Variants in PTPRE observed in about 807,000 individuals in gnomAD.
The protein encoded by PTPRE is protein tyrosine phosphatase receptor type E, also known as receptor-type tyrosine-protein phosphatase epsilon.
A neutral mutation model predicts 102.0 loss-of-function variants in PTPRE; 51 were observed. The ratio of observed to expected loss-of-function variants is 0.50; its 90% CI spans 0.40 to 0.63. The LOEUF (loss-of-function observed/expected upper bound fraction) is 0.63, where lower values mean the gene tolerates loss of function less well. Among genes scored for constraint, PTPRE ranks in the 30% least tolerant of loss-of-function variants. The probability of loss-of-function intolerance (pLI) is 0.00; values close to 1 mark genes in which losing one functional copy is unlikely to be tolerated. For synonymous variants in PTPRE, 345 were observed against 348.2 expected (o/e 0.99, Z 0.10); for missense variants, 752 against 915.1 (o/e 0.82, Z 2.30).
chr10:127,999,570 C>T (rs1200263210), intron 2 of PTPRE: 8 of 985,310 alleles, frequency 8.1e-6, no homozygotes, highest in Non-Finnish European at 8.4e-6. Context: ...ACTGCACCAT[C>T]GAGCACGCAG....
intron 2 of PTPRE, among the ~76,000 whole-genome samples, chr10:127,994,466 C>T (rs1853045544): frequency 6.6e-6 from 1 of 152,228 alleles, no homozygotes; most frequent in Non-Finnish European, 1.5e-5. Context: ...ACGCAGGCCC[C>T]ATAGGATAGG....
intron 17 of PTPRE, 65 bp from the exon 18 acceptor site, chr10:128,076,538 A>G: frequency 6.7e-7 from 1 of 1,486,202 alleles, no homozygotes; most frequent in South Asian, 1.3e-5. Flanking sequence ...TCTGTGTTAT[A>G]AACTCAAAAT....
At chr10:127,962,836 C>T (rs889637693) in intron 1 of PTPRE, among the ~76,000 whole-genome samples, 1 of 152,222 alleles carries the variant, frequency 6.6e-6, no homozygotes, top group African/African-American at 2.4e-5. Context: ...GCAATGTCCA[C>T]GGTGCTGAGG....
At chr10:127,986,943 G>C (rs1852139551) in intron 2 of PTPRE, among the ~76,000 whole-genome samples, 1 of 152,152 alleles carries the variant, frequency 6.6e-6, no homozygotes, top group African/African-American at 2.4e-5. Context: ...TTCTTATACT[G>C]GGGTTTTTTA....
intron 2 of PTPRE, among the ~76,000 whole-genome samples, chr10:127,996,119 A>G (rs771817930): frequency 6.6e-6 from 1 of 152,192 alleles, no homozygotes; most frequent in African/African-American, 2.4e-5. Flanking sequence ...TGTTATTCCC[A>G]GTGTGGACGT....
intron 20 of PTPRE, among the ~76,000 whole-genome samples, chr10:128,082,218 T>G (rs1851786162): frequency 7.3e-6 from 1 of 137,630 alleles, no homozygotes; most frequent in Non-Finnish European, 1.6e-5. Flanking sequence ...TTTTTTTTTT[T>G]TTTTTGAGAC....
chr10:127,923,515 C>T (rs1338430681), intron 1 of PTPRE, among the ~76,000 whole-genome samples: 5 of 151,604 alleles, frequency 3.3e-5, no homozygotes, highest in South Asian at 2.1e-4. Flanking sequence ...GTGATTCTCC[C>T]GCCTCAGCCT....
intron 1 of PTPRE, among the ~76,000 whole-genome samples, chr10:127,963,036 A>T (rs1849951025): frequency 6.6e-6 from 1 of 152,148 alleles, no homozygotes; most frequent in African/African-American, 2.4e-5. Context: ...TGGCTGAGAA[A>T]CACTGGCTGA....
At chr10:128,001,155 A>G (rs746818031) in intron 2 of PTPRE, among the ~76,000 whole-genome samples, 1 of 152,168 alleles carries the variant, frequency 6.6e-6, no homozygotes, top group Non-Finnish European at 1.5e-5. Flanking sequence ...CTTCTAATCA[A>G]CTTATGTTCC....
At chr10:127,939,183 G>T (rs1848043907) in intron 1 of PTPRE, among the ~76,000 whole-genome samples, 1 of 152,076 alleles carries the variant, frequency 6.6e-6, no homozygotes, top group South Asian at 2.1e-4. Context: ...AATCATTTGT[G>T]GTTCATGTTA....
At chr10:128,021,366 C>A (rs186925417) in intron 2 of PTPRE, among the ~76,000 whole-genome samples, 1 of 152,196 alleles carries the variant, frequency 6.6e-6, no homozygotes, top group African/African-American at 2.4e-5. Flanking sequence ...CGACCTCCTG[C>A]GAGCCTCCTT....
At chr10:127,928,984 C>T (rs1847225003) in intron 1 of PTPRE, among the ~76,000 whole-genome samples, 2 of 152,176 alleles carry the variant, frequency 1.3e-5, no homozygotes, top group Admixed American at 6.5e-5. Context: ...TTTATGTATT[C>T]AATTTGTTTG....
chr10:127,982,489 CGT>C (rs59170572), intron 2 of PTPRE, among the ~76,000 whole-genome samples, 193 bp downstream of exon 2: 7,718 of 142,456 alleles, frequency 0.054, 336 homozygotes, highest in African/African-American at 0.12. Flanking sequence ...ACATCATTTG[CGT>C]GTGTGTGTGT....
intron 6 of PTPRE, among the ~76,000 whole-genome samples, chr10:128,050,938 T>A (rs1848519600): frequency 6.6e-6 from 1 of 152,210 alleles, no homozygotes; most frequent in Non-Finnish European, 1.5e-5. Context: ...ACATTGCTTG[T>A]TTTTTGGTGC....
Position 127,921,246 on chromosome 10 carries a change from C to T in PTPRE, c.-31+13937C>T, listed in dbSNP as rs7898498. Among the ~76,000 whole-genome samples the T allele has an allele frequency of 2.4e-3, 369 of 152,376 alleles. 1 individual carries two copies. Among genetic ancestry groups the T allele is most frequent in the African/African-American group, 8.3e-3 (347 of 41,596 alleles). On this transcript the variant is annotated intron_variant, in intron 1 of 20. Coordinates refer to ENST00000254667, the MANE Select transcript of PTPRE (RefSeq NM_006504.6). Reference sequence around the variant, plus strand: ...GACATGTTAACTCGGTCAGTGCTCACAGCTGCAAAACCAGGTGAGGGCAGC... The same window carrying T: ...GACATGTTAACTCGGTCAGTGCTCATAGCTGCAAAACCAGGTGAGGGCAGC...
At chr10:127,922,343 C>T (rs1032106694) in intron 1 of PTPRE, among the ~76,000 whole-genome samples, 1 of 152,236 alleles carries the variant, frequency 6.6e-6, no homozygotes, top group Non-Finnish European at 1.5e-5. Flanking sequence ...GACACCTAAC[C>T]TGAATCTGGG....
At chr10:128,020,882 TAC>T (rs1845818499) in intron 2 of PTPRE, among the ~76,000 whole-genome samples, 1 of 151,776 alleles carries the variant, frequency 6.6e-6, no homozygotes, top group Non-Finnish European at 1.5e-5. Context: ...GCCCTGTGGG[TAC>T]AGTGTCTTTT....
chr10:128,046,150 G>C (rs1181648346), intron 3 of PTPRE, among the ~76,000 whole-genome samples: 1 of 152,236 alleles, frequency 6.6e-6, no homozygotes, highest in African/African-American at 2.4e-5. Flanking sequence ...TGCCAGGCCT[G>C]GGAGGGTAGG....
intron 2 of PTPRE, among the ~76,000 whole-genome samples, chr10:127,993,491 C>T (rs775889265): frequency 5.3e-5 from 8 of 152,040 alleles, no homozygotes; most frequent in South Asian, 2.1e-4. Flanking sequence ...CTGGAGGGGG[C>T]GAGGGAGCCC....
Sources: allele counts gnomAD v4.1 joint callset (sites outside exome capture counted in the v4.1 genomes callset), GRCh38; gene constraint gnomAD v4.1.1; transcripts MANE v1.5; gene names NCBI Gene and HGNC (gene_info 2026-07-23, HGNC 2026-07-21).